The following SLC2A9 variants were observed in gnomAD, a reference collection of about 807,000 sequenced individuals.
The protein encoded by SLC2A9 is solute carrier family 2 member 9.
A neutral mutation model predicts 50.6 loss-of-function variants in SLC2A9; 39 were observed. The observed-to-expected ratio is 0.77, with a 90% CI of 0.60 to 1.01. SLC2A9 has a LOEUF of 1.01. Among genes scored for constraint, SLC2A9 ranks in the 50% least tolerant of loss-of-function variants. The pLI, the probability that SLC2A9 is intolerant of heterozygous loss-of-function variation, is 0.00. For missense variants in SLC2A9, 686 were observed against 677.6 expected (o/e 1.01, Z -0.14); for synonymous variants, 324 against 276.9 (o/e 1.17, Z -1.69).
At chr4:9,994,564 C>CTT (rs35574155) in intron 3 of SLC2A9, among the ~76,000 whole-genome samples, 7,089 of 131,782 alleles carry the variant, frequency 0.054, 537 homozygotes, top group African/African-American at 0.17. Context: ...TTTCCTTTTC[C>CTT]TTTTTTTTTT....
At chr4:9,833,504 C>T (rs143779704) in intron 11 of SLC2A9, among the ~76,000 whole-genome samples, 1 of 152,274 alleles carries the variant, frequency 6.6e-6, no homozygotes, top group African/African-American at 2.4e-5. Context: ...GGATCAGAAA[C>T]TCCAGCTCAG....
At chr4:9,943,602 A>G (rs1461296243) in intron 5 of SLC2A9, among the ~76,000 whole-genome samples, 1 of 152,202 alleles carries the variant, frequency 6.6e-6, no homozygotes, top group Non-Finnish European at 1.5e-5. Context: ...GACTCCGTGA[A>G]GATACCAAAA....
At chr4:10,011,175 A>G (rs774827269) in intron 2 of SLC2A9, among the ~76,000 whole-genome samples, 29 of 152,126 alleles carry the variant, frequency 1.9e-4, no homozygotes, top group Admixed American at 1.7e-3. Context: ...TCTTTAGAAC[A>G]TTGCTTCCAG....
intron 10 of SLC2A9, chr4:9,880,133 C>A (rs958692035): frequency 1.0e-6 from 1 of 985,318 alleles, no homozygotes; most frequent in African/African-American, 1.7e-5. Context: ...ACTTGCTCTT[C>A]CCTGTCCACT....
chr4:9,824,932 T>C (rs796190606), downstream of SLC2A9, among the ~76,000 whole-genome samples: 6 of 152,186 alleles, frequency 3.9e-5, no homozygotes, highest in African/African-American at 1.4e-4. Flanking sequence ...TGCATTGAGT[T>C]GGCAATTAAC....
At chr4:10,033,331 C>T (rs1048524504) in intron 1 of SLC2A9, among the ~76,000 whole-genome samples, 7 of 152,264 alleles carry the variant, frequency 4.6e-5, no homozygotes, top group African/African-American at 1.7e-4. Context: ...CTATCTACTC[C>T]CAGGCGGCTT....
At chr4:9,943,479 C>T (rs531731568) in intron 5 of SLC2A9, among the ~76,000 whole-genome samples, 38 of 152,124 alleles carry the variant, frequency 2.5e-4, no homozygotes, top group African/African-American at 8.9e-4. Context: ...CTAGGGCTGT[C>T]GGGGGCCCAG....
downstream of SLC2A9, among the ~76,000 whole-genome samples, chr4:9,778,909 T>C (rs1717930839): frequency 6.6e-6 from 1 of 151,902 alleles, no homozygotes; most frequent in Admixed American, 6.6e-5. Flanking sequence ...AACCTCTGCC[T>C]CCCGCACACC....
chr4:9,871,171 T>C (rs56351177), intron 10 of SLC2A9, among the ~76,000 whole-genome samples: 18,763 of 152,080 alleles, frequency 0.12, 1,370 homozygotes, highest in African/African-American at 0.18. Context: ...GCTTGCCCAC[T>C]CACCATTGTT....
chr4:10,033,365 G>A (rs569291939), intron 1 of SLC2A9, among the ~76,000 whole-genome samples: 2 of 152,020 alleles, frequency 1.3e-5, no homozygotes, highest in African/African-American at 2.4e-5. Context: ...ATGGCTTCCC[G>A]GCAGCCGAAG....
intron 3 of SLC2A9, chr4:9,782,615 A>C (rs759158462): frequency 1.9e-6 from 3 of 1,613,898 alleles, no homozygotes; most frequent in Admixed American, 1.7e-5. Context: ...CCTGCCAAAC[A>C]ACCTGGCCAA....
At chr4:9,816,960 A>G (rs1397995087) in intron 3 of SLC2A9, among the ~76,000 whole-genome samples, 2 of 152,168 alleles carry the variant, frequency 1.3e-5, no homozygotes, top group Non-Finnish European at 2.9e-5. Context: ...TCTTTAGGGG[A>G]TAATACATTT....
chr4:9,871,964 C>T (rs1733514295), intron 10 of SLC2A9, among the ~76,000 whole-genome samples: 1 of 152,152 alleles, frequency 6.6e-6, no homozygotes, highest in African/African-American at 2.4e-5. Context: ...AGGAAAGTGG[C>T]TTGGGCTGGG....
chr4:9,814,389 T>C (rs746221188), intron 3 of SLC2A9, among the ~76,000 whole-genome samples: 32 of 152,194 alleles, frequency 2.1e-4, no homozygotes, highest in Non-Finnish European at 4.7e-4. Context: ...GTATATTAAT[T>C]CTGGTCTTGT....
At chr4:9,970,359 C>A (rs1753703605) in intron 5 of SLC2A9, among the ~76,000 whole-genome samples, 1 of 152,204 alleles carries the variant, frequency 6.6e-6, no homozygotes, top group African/African-American at 2.4e-5. Flanking sequence ...AAGGTCTCAA[C>A]TGTGATTCAC....
chr4:9,893,783 A>G (rs1487395930), intron 8 of SLC2A9, among the ~76,000 whole-genome samples: 2 of 152,156 alleles, frequency 1.3e-5, no homozygotes, highest in Admixed American at 6.5e-5. Context: ...AGGCCCAGAG[A>G]TATCAGGGGC....
intron 6 of SLC2A9, among the ~76,000 whole-genome samples, chr4:9,931,962 C>CTATATATATATATA (rs61538689): frequency 1.4e-3 from 21 of 14,572 alleles, no homozygotes; most frequent in South Asian, 3.5e-3. Flanking sequence ...CTCTCTCTCT[C>CTATATATATATATA]TATATATATA....
intron 5 of SLC2A9, among the ~76,000 whole-genome samples, chr4:9,955,642 C>G (rs1751120503): frequency 6.6e-6 from 1 of 152,068 alleles, no homozygotes; most frequent in South Asian, 2.1e-4. Context: ...CACTCCTGCT[C>G]TAACTCTTGC....
At position 9,996,539 on chromosome 4, in the gene SLC2A9, C is replaced by G. The variant is rs148709646; in HGVS notation, c.410+242G>C. On this transcript the variant is annotated intron_variant, in intron 3 of 11. Transcript: ENST00000264784. ...TCCCTGCTCCTCCCCCATGTGGGTG[C>G]TGTGGCTCTGACACAGCCCAGTCCC... Among the ~76,000 whole-genome samples, 621 of 152,320 alleles carry G rather than the reference C, an allele frequency of 4.1e-3. 6 individuals are homozygous for G. Among genetic ancestry groups the G allele is most frequent in the African/African-American group, 0.014 (591 of 41,560 alleles).
Sources: gnomAD v4.1 joint callset for allele counts (sites outside exome capture counted in the v4.1 genomes callset) on GRCh38, gnomAD v4.1.1 for gene constraint, MANE v1.5 for transcripts, NCBI Gene and HGNC (gene_info 2026-07-23, HGNC 2026-07-21) for gene names.